The following NTM variants were observed in gnomAD, a reference collection of about 807,000 sequenced individuals.
NTM encodes the protein neurotrimin, also known as IgLON family member 2.
A neutral mutation model predicts 42.1 loss-of-function variants in NTM; 13 were observed. The ratio of observed to expected loss-of-function variants is 0.31; its 90% CI spans 0.20 to 0.49. The LOEUF is 0.49. Among genes scored for constraint, NTM ranks in the 20% least tolerant of loss-of-function variants. NTM has a pLI of 0.99. For missense variants in NTM, 373 were observed against 452.8 expected (o/e 0.82, Z 1.60); for synonymous variants, 187 against 179.2 (o/e 1.04, Z -0.35).
At chr11:131,446,735 G>A (rs1162985678) in intron 1 of NTM, among the ~76,000 whole-genome samples, 1 of 152,152 alleles carries the variant, frequency 6.6e-6, no homozygotes, top group African/African-American at 2.4e-5. Flanking sequence ...ACATATGTAT[G>A]GCCATTGCTG....
rs997313813 is a variant in NTM, at chr11:131,495,154, C to T, written c.82+124266C>T. 3.9e-5 allele frequency among the ~76,000 whole-genome samples: 6 copies of T among 152,180 alleles called. No homozygotes were observed. In the South Asian group the frequency reaches 1.2e-3, roughly 32 times the overall value. On this transcript the variant is annotated intron_variant, in intron 1 of 8. Transcript: ENST00000683400. ...TCTGAGCTTTTGGGTCCTGCCCCCTCTCCACTTTCACTGTTTTTGGGTCTT... is the reference window on the plus strand; with the variant it reads ...TCTGAGCTTTTGGGTCCTGCCCCCTTTCCACTTTCACTGTTTTTGGGTCTT...
chr11:131,438,931 T>A (rs1949370668), intron 1 of NTM, among the ~76,000 whole-genome samples: 2 of 152,214 alleles, frequency 1.3e-5, no homozygotes, highest in South Asian at 4.1e-4. Flanking sequence ...TTTATCTACC[T>A]TTACTCTTTG....
rs1175859867 is a variant in NTM at position 132,091,069 on chromosome 11, CTCTT to C, written c.168-55209_168-55206del. The stretch of plus-strand genomic sequence containing the variant: ...TTATTGGCATTTTTCCTTTGGCAAA[CTCTT>C]TCTAGGTTTCAGCTCAAAAATTATT... On this transcript the variant is annotated intron_variant, in intron 2 of 8. Transcript: ENST00000683400. Among the ~76,000 whole-genome samples, 14 of 152,232 alleles carry C rather than the reference CTCTT, an allele frequency of 9.2e-5. 1 individual carries two copies. Among genetic ancestry groups the C allele is most frequent in the African/African-American group, 3.1e-4 (13 of 41,546 alleles).
intron 1 of NTM, among the ~76,000 whole-genome samples, chr11:131,498,679 T>C (rs575100829): frequency 1.3e-5 from 2 of 152,316 alleles, no homozygotes; most frequent in East Asian, 3.9e-4. Flanking sequence ...GAGCAGCTCA[T>C]TCCTATTCTG....
chr11:131,419,526 G>A (rs1190835993), intron 1 of NTM, among the ~76,000 whole-genome samples: 1 of 152,138 alleles, frequency 6.6e-6, no homozygotes. Context: ...CAGGCAGAGG[G>A]AGCAGAATGA....
intron 1 of NTM, among the ~76,000 whole-genome samples, chr11:131,741,799 G>T (rs151114686): frequency 4.5e-4 from 69 of 152,246 alleles, no homozygotes; most frequent in African/African-American, 1.5e-3. Context: ...TAGAGCAGAG[G>T]ACTGTCGAAG....
chr11:132,306,087 G>A (rs2095068370), intron 4 of NTM, among the ~76,000 whole-genome samples: 1 of 152,198 alleles, frequency 6.6e-6, no homozygotes, highest in Non-Finnish European at 1.5e-5. Flanking sequence ...CTGGGCAGTG[G>A]CACAGACTTA....
At chr11:131,990,253 G>A (rs1432846262) in intron 2 of NTM, among the ~76,000 whole-genome samples, 2 of 152,018 alleles carry the variant, frequency 1.3e-5, no homozygotes, top group African/African-American at 4.8e-5. Flanking sequence ...AACCTCAATC[G>A]AAATCCAGTA....
At chr11:132,114,462 C>T (rs138527723) in intron 2 of NTM, among the ~76,000 whole-genome samples, 37 of 152,276 alleles carry the variant, frequency 2.4e-4, no homozygotes, top group African/African-American at 8.9e-4. Flanking sequence ...AGGGAAGCTA[C>T]TCAGACTATG....
chr11:131,761,856 TAAA>T (rs2084256803), intron 1 of NTM, among the ~76,000 whole-genome samples: 3 of 126,408 alleles, frequency 2.4e-5, no homozygotes, highest in Admixed American at 8.0e-5. Flanking sequence ...AATAAATAAA[TAAA>T]TAATAAATGC....
At chr11:131,516,524 C>T (rs906240255) in intron 1 of NTM, among the ~76,000 whole-genome samples, 4 of 152,112 alleles carry the variant, frequency 2.6e-5, no homozygotes, top group South Asian at 2.1e-4. Context: ...AATACAGGCA[C>T]GTACCACCAT....
At chr11:132,041,541 G>C (rs1410019856) in intron 2 of NTM, among the ~76,000 whole-genome samples, 1 of 151,954 alleles carries the variant, frequency 6.6e-6, no homozygotes, top group Non-Finnish European at 1.5e-5. Flanking sequence ...CTGACTTGTG[G>C]GATTATTAAA....
rs148642457 is a variant in NTM, at chr11:131,912,155, G to A, written c.167+507G>A. On this transcript the variant is annotated intron_variant, in intron 2 of 8. Transcript: ENST00000683400. ...CTTTGTCCTGGGCCTGACTGTGCCC[G>A]GGCTTTCCTGGGGTGCCTTCATGCC... Among the ~76,000 whole-genome samples, 526 of 152,308 alleles carry A rather than the reference G, an allele frequency of 3.5e-3. 2 individuals carry two copies. The highest frequency in any genetic ancestry group is 0.012 in the African/African-American group (496 of 41,562).
intron 2 of NTM, among the ~76,000 whole-genome samples, chr11:132,048,037 T>C (rs967287770): frequency 6.6e-6 from 1 of 152,128 alleles, no homozygotes; most frequent in African/African-American, 2.4e-5. Flanking sequence ...TGTCTGCGTG[T>C]GTACATGGGC....
chr11:131,915,690 C>T (rs990040209), intron 2 of NTM, among the ~76,000 whole-genome samples: 3 of 152,150 alleles, frequency 2.0e-5, no homozygotes, highest in African/African-American at 4.8e-5. Flanking sequence ...CACAGTTCCA[C>T]GTGGCTGGGG....
intron 1 of NTM, among the ~76,000 whole-genome samples, chr11:131,831,489 G>C (rs1364472143): frequency 6.6e-6 from 1 of 152,130 alleles, no homozygotes; most frequent in Non-Finnish European, 1.5e-5. Flanking sequence ...GAACCAGGCT[G>C]GGTCACATGT....
At chr11:131,377,672 G>T (rs1222839857) in intron 1 of NTM, among the ~76,000 whole-genome samples, 1 of 152,146 alleles carries the variant, frequency 6.6e-6, no homozygotes, top group Non-Finnish European at 1.5e-5. Context: ...ACAGTGTTTT[G>T]GGCGTCACAT....
At chr11:131,984,221 G>A (rs2065717121) in intron 2 of NTM, among the ~76,000 whole-genome samples, 4 of 152,136 alleles carry the variant, frequency 2.6e-5, no homozygotes, top group Admixed American at 2.6e-4. Flanking sequence ...TCACCTGGTG[G>A]TATTTACTCC....
rs530996087 is a variant in NTM, at chr11:131,620,862, G to A, written c.82+249974G>A. ...TATGATAGCAGCAGTTTTGTCTGTC[G>A]GTCCACTAATATATTCTCCATGCCT... On this transcript the variant is annotated intron_variant, in intron 1 of 8. Transcript: ENST00000683400. 6.6e-5 allele frequency among the ~76,000 whole-genome samples: 10 copies of A among 152,202 alleles called. No individual in the cohort carries two copies. In the South Asian group the frequency reaches 1.0e-3, roughly 16 times the overall value.
Sources: gnomAD v4.1 joint callset for allele counts (sites outside exome capture counted in the v4.1 genomes callset) on GRCh38, gnomAD v4.1.1 for gene constraint, MANE v1.5 for transcripts, NCBI Gene and HGNC (gene_info 2026-07-23, HGNC 2026-07-21) for gene names.